PHF20L1: variants seen among roughly 807,000 people sequenced by gnomAD.
PHF20L1 encodes PHD finger protein 20-like protein 1.
PHF20L1 carries 44 observed loss-of-function variants against 125.5 expected under a neutral mutation model. The ratio of observed to expected loss-of-function variants is 0.35; its 90% confidence interval spans 0.28 to 0.45. The LOEUF is 0.45. PHF20L1 is among the 20% of genes least tolerant of loss of function. The pLI is 1.00. For missense variants in PHF20L1, 1,012 were observed against 1,217.2 expected, an observed-to-expected ratio of 0.83 and a Z score of 2.51; for synonymous variants, 380 against 403.1, an observed-to-expected ratio of 0.94 and a Z score of 0.69.
chr8:132,798,144 T>C (rs1362895061), intron 4 of PHF20L1, among the ~76,000 whole-genome samples: 1 of 152,032 alleles, frequency 6.6e-6, no homozygotes, highest in Non-Finnish European at 1.5e-5. Context: ...AAGTATTAAT[T>C]ACGGCTGTGT....
intron 4 of PHF20L1, among the ~76,000 whole-genome samples, chr8:132,796,040 G>GAAAC (rs2131471722): frequency 6.6e-6 from 1 of 152,182 alleles, no homozygotes; most frequent in South Asian, 2.1e-4. Context: ...TATTACTAAA[G>GAAAC]AAACAAACAT....
chr8:132,815,844 C>T (rs1834919580), intron 10 of PHF20L1: 1 of 151,762 alleles, frequency 6.6e-6, no homozygotes. Flanking sequence ...TCCTAATAAG[C>T]TTCATTTCAT....
rs1829992402 is a variant in PHF20L1, at chr8:132,777,773, CT to C, written c.-37-13del. The stretch of plus-strand genomic sequence containing the variant: ...ATGCATTTTCTGCATTGGAATCTAA[CT>C]TTTTTCTTTCTCTTGAGGTAGTGAA... On this transcript the variant is annotated intron_variant, in intron 1 of 20. Transcript: ENST00000395386. 8.6e-7 allele frequency: 1 copy of C among 1,161,338 alleles called. No homozygotes were observed. Among genetic ancestry groups the C allele is most frequent in the Non-Finnish European group, 1.3e-6 (1 of 773,718 alleles). The allele number at this position is 1,161,338 out of a possible 1,614,324, so 71.9% of individuals were successfully genotyped here. A position where few individuals can be genotyped will look rare whatever the true frequency, so the allele number is the denominator to read the frequency against.
At position 132,810,709 on chromosome 8, in the gene PHF20L1, A is replaced by G. The variant is rs115635758; in HGVS notation, c.848-337A>G. 2.9e-3 allele frequency: 574 copies of G among 197,194 alleles called. 2 individuals carry two copies. Among genetic ancestry groups the G allele is most frequent in the African/African-American group, 0.012 (526 of 42,428 alleles). 12.2% of individuals were successfully genotyped at this position (197,194 alleles called of 1,614,324 possible). On this transcript the variant is annotated intron_variant, in intron 8 of 20. Transcript: ENST00000395386. ...TAGCTGTATAGACAAAACCTGTATT[A>G]TAAGTATTAGCAACCTGAGCAACCT... is the stretch of plus-strand genomic sequence containing the variant.
intron 6 of PHF20L1, among the ~76,000 whole-genome samples, chr8:132,803,019 T>G (rs1833267235): frequency 6.6e-6 from 1 of 151,854 alleles, no homozygotes; most frequent in South Asian, 2.1e-4. Context: ...ACTTTATACT[T>G]CCTTACACCT....
At chr8:132,825,011 A>G (rs1477299047) in intron 13 of PHF20L1, 2 of 1,407,572 alleles carry the variant, frequency 1.4e-6, no homozygotes, top group Admixed American at 1.9e-5. Flanking sequence ...GAAGGTTTTA[A>G]CTACTGTCTG....
At chr8:132,845,006 T>C (rs2131965288) in intron 20 of PHF20L1, among the ~76,000 whole-genome samples, 1 of 152,142 alleles carries the variant, frequency 6.6e-6, no homozygotes, top group African/African-American at 2.4e-5. Context: ...AAGTTAGAGC[T>C]CCTACTCCTT....
chr8:132,840,907 T>G (rs1837864759), intron 18 of PHF20L1, among the ~76,000 whole-genome samples: 1 of 152,154 alleles, frequency 6.6e-6, no homozygotes, highest in Non-Finnish European at 1.5e-5. Flanking sequence ...CTCTAATTGA[T>G]AGTGTAGGGT....
chr8:132,781,577 C>T (rs1017785169), intron 2 of PHF20L1, among the ~76,000 whole-genome samples: 20 of 151,896 alleles, frequency 1.3e-4, no homozygotes, highest in African/African-American at 3.6e-4. Context: ...TACAGGCGCA[C>T]GCCACCATGC....
intron 2 of PHF20L1, among the ~76,000 whole-genome samples, chr8:132,781,954 G>T (rs1257169767): frequency 2.0e-5 from 3 of 152,066 alleles, no homozygotes; most frequent in East Asian, 3.8e-4. Context: ...AAATATTATA[G>T]CTTTACAATA....
At chr8:132,828,507 A>G (rs1298543306) in intron 14 of PHF20L1, among the ~76,000 whole-genome samples, 1 of 152,026 alleles carries the variant, frequency 6.6e-6, no homozygotes, top group East Asian at 1.9e-4. Flanking sequence ...CTCTTCAACA[A>G]GTTTTTACTT....
At chr8:132,791,157 C>G (rs772898365) in intron 2 of PHF20L1, among the ~76,000 whole-genome samples, 2 of 151,726 alleles carry the variant, frequency 1.3e-5, no homozygotes, top group Non-Finnish European at 2.9e-5. Flanking sequence ...GTAAAAAACA[C>G]AGAGCCTGAC....
intron 4 of PHF20L1, among the ~76,000 whole-genome samples, chr8:132,797,575 A>G (rs1832551318): frequency 6.6e-6 from 1 of 152,080 alleles, no homozygotes; most frequent in Non-Finnish European, 1.5e-5. Flanking sequence ...GTTGCAGGAA[A>G]GATGGAAGTG....
At position 132,848,608 on chromosome 8, in the gene PHF20L1, T is replaced by A. The variant is rs943979408; in HGVS notation, c.*2685T>A. 4 of 152,566 alleles carry A rather than the reference T, an allele frequency of 2.6e-5. No homozygotes were observed. The highest frequency in any genetic ancestry group is 9.7e-5 in the African/African-American group (4 of 41,450). 9.5% of individuals were successfully genotyped at this position (152,566 alleles called of 1,614,324 possible). A position where few individuals can be genotyped will look rare whatever the true frequency, so the allele number is the denominator to read the frequency against. ...AAACTTGTACTTCCTCATACTTGTT[T>A]GTGGTTCTACTGACTTATTTCCAAA... On this transcript the variant is annotated 3_prime_UTR_variant, in exon 21 of 21. Transcript: ENST00000395386.
chr8:132,825,511 T>G, intron 14 of PHF20L1, 140 bp downstream of exon 14: 1 of 641,710 alleles, frequency 1.6e-6, no homozygotes, highest in Non-Finnish European at 2.5e-6. Context: ...TAGCTTTCCT[T>G]TGACATGAAA....
intron 12 of PHF20L1, among the ~76,000 whole-genome samples, chr8:132,823,478 A>G (rs1426162851): frequency 6.6e-6 from 1 of 151,956 alleles, no homozygotes; most frequent in African/African-American, 2.4e-5. Flanking sequence ...GCTAGAGTAG[A>G]CCTTTACTGA....
intron 20 of PHF20L1, among the ~76,000 whole-genome samples, chr8:132,845,427 A>C (rs1300748269): frequency 6.6e-6 from 1 of 152,086 alleles, no homozygotes; most frequent in Non-Finnish European, 1.5e-5. Context: ...AACTGTTGTT[A>C]TCTTATTCCA....
Position 132,839,401 on chromosome 8 carries a change from G to C in PHF20L1, c.2206G>C (p.Ala736Pro). Residue 736 changes from alanine (A) to proline (P), a missense_variant, in exon 18 of 21, where the codon GCA becomes CCA. Around this residue, in one of 7 missense-constraint regions of PHF20L1, gnomAD observed 55 missense variants for 114.8 expected, o/e 0.48. Coordinates refer to ENST00000395386, the MANE Select transcript of PHF20L1 (RefSeq NM_016018.5). ...TTCATCTGCAGGTCAGAGGTGGAGT[G>C]CAAAATATCGTTATGATAAGGAGTG... is the stretch of plus-strand genomic sequence containing the variant. ...CRDPPGQRWS[A>P]KYRYDKEWLN... The C allele has an allele frequency of 6.2e-7, 1 of 1,612,466 alleles. No individual in the cohort carries two copies. The highest frequency in any genetic ancestry group is 8.5e-7 in the Non-Finnish European group (1 of 1,178,726).
chr8:132,796,328 C>G (rs1281570359), intron 4 of PHF20L1, among the ~76,000 whole-genome samples: 3 of 151,942 alleles, frequency 2.0e-5, no homozygotes, highest in African/African-American at 7.2e-5. Flanking sequence ...GTCATGTAAT[C>G]TTGCTAAAGA....
Sources: allele counts gnomAD v4.1 joint callset (sites outside exome capture counted in the v4.1 genomes callset), GRCh38; gene constraint gnomAD v4.1.1; regional missense constraint gnomAD v4.1.1; transcripts MANE v1.5; gene names NCBI Gene and HGNC (gene_info 2026-07-23, HGNC 2026-07-21).